FXN: variants seen among roughly 807,000 people sequenced by gnomAD.
The protein encoded by FXN is frataxin.
Under a neutral mutation model 22.4 loss-of-function variants are expected in FXN, and 14 were observed. The observed-to-expected ratio is 0.62, with a 90% CI of 0.41 to 0.98. The LOEUF (loss-of-function observed/expected upper bound fraction) is 0.98, where lower values mean the gene tolerates loss of function less well. Ranked by LOEUF, FXN falls within the 50% of genes least tolerant of loss-of-function variation. FXN has a pLI of 0.00. For missense variants in FXN, 267 were observed against 268.4 expected (o/e 0.99, Z 0.04); for synonymous variants, 120 against 114.1 (o/e 1.05, Z -0.33).
intron 4 of FXN, among the ~76,000 whole-genome samples, chr9:69,067,439 G>T (rs770301407): frequency 2.0e-5 from 3 of 152,220 alleles, no homozygotes; most frequent in Non-Finnish European, 4.4e-5. Flanking sequence ...CCAGACACAC[G>T]GTTATGTCTG....
intron 3 of FXN, among the ~76,000 whole-genome samples, chr9:69,061,370 A>G (rs1832069876): frequency 1.3e-5 from 2 of 152,154 alleles, no homozygotes; most frequent in Non-Finnish European, 2.9e-5. Context: ...CAGTGATGAG[A>G]CCAGACCTGG....
rs979637993 is a variant in FXN at position 69,074,538 on chromosome 9, G to T, written c.*1776G>T. 1.0e-4 allele frequency: 101 copies of T among 983,876 alleles called. No individual in the cohort carries two copies. Among genetic ancestry groups the T allele is most frequent in the Non-Finnish European group, 1.1e-4 (93 of 829,520 alleles). The allele number at this position is 983,876 out of a possible 1,614,324, so 60.9% of individuals were successfully genotyped here. On this transcript the variant is annotated 3_prime_UTR_variant, in exon 5 of 5. Coordinates refer to ENST00000484259, the MANE Select transcript of FXN (RefSeq NM_000144.5). ...CCGTCTCAAAAAAAAAAAAAAGGAG[G>T]GTTTATTAATGAGAAGTTTGTATTA...
intron 4 of FXN, 135 bp downstream of exon 4, chr9:69,065,170 G>GCC: frequency 1.4e-6 from 1 of 718,844 alleles, no homozygotes; most frequent in Non-Finnish European, 2.5e-6. Context: ...AGAGGCTGAG[G>GCC]TAGGAGGATC....
At chr9:69,048,139 G>T (rs1428498340) in intron 2 of FXN, among the ~76,000 whole-genome samples, 1 of 152,164 alleles carries the variant, frequency 6.6e-6, no homozygotes, top group Non-Finnish European at 1.5e-5. Context: ...GGAGTCTCAG[G>T]CTGCCTTATC....
intron 1 of FXN, among the ~76,000 whole-genome samples, chr9:69,040,235 G>A (rs1193366781): frequency 1.3e-5 from 2 of 152,140 alleles, no homozygotes; most frequent in African/African-American, 4.8e-5. Context: ...TTTTCCTAGA[G>A]GGACAAGACC....
At chr9:69,071,266 T>C (rs1333416087) in intron 4 of FXN, 1 of 518,886 alleles carries the variant, frequency 1.9e-6, no homozygotes, top group African/African-American at 1.9e-5. Flanking sequence ...ATGGTTTGGT[T>C]CACTCATTTT....
chr9:69,059,566 AT>A (rs34794915), intron 3 of FXN, among the ~76,000 whole-genome samples: 143,836 of 149,000 alleles, frequency 0.97, 69,617 homozygotes, highest in Middle Eastern at 1. Flanking sequence ...TGTCCAGCTA[AT>A]TTTTTTTTTT....
rs1832350777 is a variant in FXN, at chr9:69,075,575, C to T, written c.*2813C>T. 1 of 985,092 alleles carries T rather than the reference C, an allele frequency of 1.0e-6. No individual in the cohort carries two copies. The highest frequency in any genetic ancestry group is 1.7e-5 in the African/African-American group (1 of 57,184). The allele number at this position is 985,092 out of a possible 1,614,324, so 61.0% of individuals were successfully genotyped here. On this transcript the variant is annotated 3_prime_UTR_variant, in exon 5 of 5. Coordinates refer to ENST00000484259, the MANE Select transcript of FXN (RefSeq NM_000144.5). ...AAAGTACCACTGTGTGTACCAATAG[C>T]CTCCCCACCACAGACCCTGGGAGCA...
chr9:69,077,321 A>G lies in FXN; in HGVS notation c.*4559A>G, dbSNP rs563298308. The G allele has an allele frequency of 2.0e-6, 2 of 985,414 alleles. No individual in the cohort carries two copies. Among genetic ancestry groups the G allele is most frequent in the East Asian group, 1.1e-4 (1 of 8,818 alleles). The allele number at this position is 985,414 out of a possible 1,614,324, so 61.0% of individuals were successfully genotyped here. A position where few individuals can be genotyped will look rare whatever the true frequency, so the allele number is the denominator to read the frequency against. ...GGAATGTGTAAAACTCAGCTCACTT[A>G]TATCCCTGCATCCGCTACAGAGACA... On this transcript the variant is annotated 3_prime_UTR_variant, in exon 5 of 5. Transcript: ENST00000484259.
chr9:69,070,034 G>A (rs990454012), intron 4 of FXN, among the ~76,000 whole-genome samples: 1 of 152,114 alleles, frequency 6.6e-6, no homozygotes, highest in Non-Finnish European at 1.5e-5. Context: ...TTCCAGACCA[G>A]CCTGGGCAAC....
At chr9:69,052,442 C>A (rs1298884241) in intron 2 of FXN, among the ~76,000 whole-genome samples, 1 of 152,178 alleles carries the variant, frequency 6.6e-6, no homozygotes, top group Non-Finnish European at 1.5e-5. Flanking sequence ...ACGTGAGCCA[C>A]TGCACTGCCT....
chr9:69,051,796 A>G (rs1186752323), intron 2 of FXN, among the ~76,000 whole-genome samples: 2 of 152,238 alleles, frequency 1.3e-5, no homozygotes, highest in East Asian at 3.8e-4. Flanking sequence ...AAATCTGATC[A>G]TATCTTTAGA....
Position 69,073,970 on chromosome 9 carries a change from G to T in FXN, c.*1208G>T, listed in dbSNP as rs1396775519. On this transcript the variant is annotated 3_prime_UTR_variant, in exon 5 of 5. Coordinates refer to ENST00000484259, the MANE Select transcript of FXN (RefSeq NM_000144.5). ...AGGCCAAGGTGGGTGGATCACCTGA[G>T]GTCAGGAGTTCAAGACCAGCCTGGC... 1 of 647,680 alleles carries T rather than the reference G, an allele frequency of 1.5e-6. No individual in the cohort carries two copies. The highest frequency in any genetic ancestry group is 1.9e-6 in the Non-Finnish European group (1 of 522,136). The allele number at this position is 647,680 out of a possible 1,614,324, so 40.1% of individuals were successfully genotyped here.
At chr9:69,052,496 G>A (rs1831871231) in intron 2 of FXN, among the ~76,000 whole-genome samples, 1 of 151,714 alleles carries the variant, frequency 6.6e-6, no homozygotes, top group South Asian at 2.1e-4. Context: ...TGGGAATGGG[G>A]GCTGCCTGCT....
chr9:69,074,200 T>TATA lies in FXN; in HGVS notation c.*1451_*1453dup, dbSNP rs1554762938. On this transcript the variant is annotated 3_prime_UTR_variant, in exon 5 of 5. Transcript: ENST00000484259. ...CTCTGTCTCAAAATAATAATAACAA[T>TATA]ATAATAATAATAATAGCCATCCTTT... is the stretch of plus-strand genomic sequence containing the variant. 3 of 889,888 alleles carry TATA rather than the reference T, an allele frequency of 3.4e-6. No individual in the cohort carries two copies. Among genetic ancestry groups the TATA allele is most frequent in the Non-Finnish European group, 4.0e-6 (3 of 743,598 alleles). The allele number at this position is 889,888 out of a possible 1,614,324, so 55.1% of individuals were successfully genotyped here.
chr9:69,035,934 C>G lies in FXN; in HGVS notation c.152C>G (p.Thr51Arg). The G allele has an allele frequency of 6.8e-7, 1 of 1,471,056 alleles. No homozygotes were observed. The highest frequency in any genetic ancestry group is 9.0e-7 in the Non-Finnish European group (1 of 1,116,850). The allele number at this position is 1,471,056 out of a possible 1,614,324, so 91.1% of individuals were successfully genotyped here. ...CGCACCGACATCGATGCGACCTGCA[C>G]GCCCCGCCGCGCAGTAAGTATCCGC... The part of the protein sequence containing the change: ...GLRTDIDATC[T>R]PRRASSNQRG... Residue 51 changes from threonine (T) to arginine (R), a missense_variant, in exon 1 of 5, where the codon ACG (threonine) becomes AGG (arginine). Transcript: ENST00000484259.
At chr9:69,038,866 A>G (rs986827141) in intron 1 of FXN, among the ~76,000 whole-genome samples, 1 of 152,210 alleles carries the variant, frequency 6.6e-6, no homozygotes, top group African/African-American at 2.4e-5. Context: ...CTCAATTCAC[A>G]ATTTCTAAGT....
At chr9:69,036,747 A>G (rs908486263) in intron 1 of FXN, among the ~76,000 whole-genome samples, 4 of 152,254 alleles carry the variant, frequency 2.6e-5, no homozygotes, top group African/African-American at 4.8e-5. Flanking sequence ...TGGGGGGTAC[A>G]AAGAAATATC....
rs564306711 is a variant in FXN at position 69,052,058 on chromosome 9, G to C, written c.264-1082G>C. On this transcript the variant is annotated intron_variant, in intron 2 of 4. Transcript: ENST00000484259. ...AGGCGAGGTTTCACCATGTCAGCCA[G>C]GCTGGTCTTGAACTCCTGACCTCAG... 1.4e-4 allele frequency among the ~76,000 whole-genome samples: 21 copies of C among 152,032 alleles called. No homozygotes were observed. The South Asian group carries it at 4.4e-3, about 32-fold the overall frequency.
Sources: allele counts gnomAD v4.1 joint callset (sites outside exome capture counted in the v4.1 genomes callset), GRCh38; gene constraint gnomAD v4.1.1; transcripts MANE v1.5; gene names NCBI Gene and HGNC (gene_info 2026-07-23, HGNC 2026-07-21).